The following CDH18 variants were observed in gnomAD, a reference collection of about 807,000 sequenced individuals.
CDH18 encodes cadherin 18.
Under a neutral mutation model 67.9 loss-of-function variants are expected in CDH18, and 31 were observed. The observed-to-expected ratio is 0.46, with a 90% CI of 0.34 to 0.62. CDH18 has a LOEUF of 0.62. CDH18 is among the 20% of genes least tolerant of loss of function. The probability of loss-of-function intolerance (pLI) is 0.01; values close to 1 mark genes in which losing one functional copy is unlikely to be tolerated. For synonymous variants in CDH18, 362 were observed against 347.2 expected, an observed-to-expected ratio of 1.04 and a Z score of -0.48; for missense variants, 890 against 975.5, an observed-to-expected ratio of 0.91 and a Z score of 1.17.
rs148258739 is a variant in CDH18 at position 19,510,344 on chromosome 5, T to G, written c.1513-7235A>C. Reference sequence around the variant, plus strand: ...GCAGAGCACATACACTGGTAATGATTTGTCTAAATGTGGATGCCACAAGCT... The same window carrying G: ...GCAGAGCACATACACTGGTAATGATGTGTCTAAATGTGGATGCCACAAGCT... On this transcript the variant is annotated intron_variant, in intron 10 of 12. Transcript: ENST00000382275. Among the ~76,000 whole-genome samples the G allele has an allele frequency of 9.2e-5, 14 of 152,220 alleles. 1 individual carries two copies. Among genetic ancestry groups the G allele is most frequent in the African/African-American group, 3.4e-4 (14 of 41,560 alleles).
intron 3 of CDH18, among the ~76,000 whole-genome samples, chr5:19,829,442 A>G (rs1215640039): frequency 6.6e-6 from 1 of 152,142 alleles, no homozygotes; most frequent in Admixed American, 6.6e-5. Context: ...AGCCAAAACA[A>G]TAATGCAATT....
intron 1 of CDH18, among the ~76,000 whole-genome samples, chr5:20,483,785 G>A (rs1280823372): frequency 6.6e-6 from 1 of 151,872 alleles, no homozygotes; most frequent in African/African-American, 2.4e-5. Flanking sequence ...CAATCAGAAT[G>A]GATTAAAAAC....
At chr5:20,307,617 C>A (rs1348217789) in intron 1 of CDH18, among the ~76,000 whole-genome samples, 4 of 152,090 alleles carry the variant, frequency 2.6e-5, no homozygotes, top group African/African-American at 9.7e-5. Flanking sequence ...CATTGCCTAC[C>A]ATCTGGAGGG....
At chr5:20,338,331 A>G (rs1252643913) in intron 1 of CDH18, among the ~76,000 whole-genome samples, 1 of 152,222 alleles carries the variant, frequency 6.6e-6, no homozygotes, top group Admixed American at 6.5e-5. Flanking sequence ...TCTGCCTGGA[A>G]AGAAAGTATT....
At chr5:20,287,104 T>G (rs1425632088) in intron 1 of CDH18, among the ~76,000 whole-genome samples, 2 of 151,812 alleles carry the variant, frequency 1.3e-5, no homozygotes, top group Non-Finnish European at 3.0e-5. Flanking sequence ...TTTTCGTGCA[T>G]GAACTGTTAT....
intron 1 of CDH18, among the ~76,000 whole-genome samples, chr5:20,313,478 G>A (rs1300630230): frequency 1.3e-5 from 2 of 151,898 alleles, no homozygotes; most frequent in Admixed American, 6.6e-5. Context: ...ATGTAAAACT[G>A]TATTAAAAAT....
intron 1 of CDH18, among the ~76,000 whole-genome samples, chr5:20,321,779 C>CAAAGAA (rs1335596164): frequency 6.6e-6 from 1 of 151,888 alleles, no homozygotes; most frequent in Non-Finnish European, 1.5e-5. Context: ...GAAAGCAAAG[C>CAAAGAA]AAAGAAAAAA....
intron 5 of CDH18, among the ~76,000 whole-genome samples, chr5:19,629,090 G>A (rs1752026483): frequency 6.6e-6 from 1 of 152,188 alleles, no homozygotes; most frequent in Admixed American, 6.5e-5. Flanking sequence ...GTGGCAGTCT[G>A]CCCTAAATTT....
intron 1 of CDH18, among the ~76,000 whole-genome samples, chr5:20,320,657 T>C (rs1737926993): frequency 6.6e-6 from 1 of 152,078 alleles, no homozygotes; most frequent in African/African-American, 2.4e-5. Flanking sequence ...TTCTCCAGAG[T>C]CCTCCTTCTG....
chr5:20,090,824 GTTC>G (rs1745354579), intron 2 of CDH18, among the ~76,000 whole-genome samples: 1 of 151,938 alleles, frequency 6.6e-6, no homozygotes, highest in African/African-American at 2.4e-5. Flanking sequence ...GAGCCCAGGT[GTTC>G]AAGACCATTC....
At chr5:19,977,339 A>G (rs1266893278) in intron 2 of CDH18, among the ~76,000 whole-genome samples, 1 of 152,124 alleles carries the variant, frequency 6.6e-6, no homozygotes, top group African/African-American at 2.4e-5. Flanking sequence ...AGCTGAAGTT[A>G]TTCCCCAAAG....
intron 9 of CDH18, among the ~76,000 whole-genome samples, chr5:19,522,877 AGAGT>A (rs1378029004): frequency 2.8e-5 from 4 of 142,948 alleles, no homozygotes; most frequent in Non-Finnish European, 6.0e-5. Context: ...CCTGAGTGAC[AGAGT>A]GAGACTCCTT....
At chr5:19,858,720 C>G (rs1784552749) in intron 2 of CDH18, among the ~76,000 whole-genome samples, 1 of 152,060 alleles carries the variant, frequency 6.6e-6, no homozygotes, top group Non-Finnish European at 1.5e-5. Context: ...TGTTCTTGCA[C>G]TAGAACTCAT....
intron 4 of CDH18, among the ~76,000 whole-genome samples, chr5:19,744,798 G>T (rs1478784880): frequency 6.6e-6 from 1 of 152,150 alleles, no homozygotes; most frequent in Non-Finnish European, 1.5e-5. Flanking sequence ...TAATAAATGT[G>T]AGGGTAACAT....
chr5:19,755,427 G>GTATATATATA (rs1373982305), intron 3 of CDH18, among the ~76,000 whole-genome samples: 10,930 of 44,146 alleles, frequency 0.25, 3,909 homozygotes, highest in Non-Finnish European at 0.34. Context: ...AACTAACAGG[G>GTATATATATA]TATGTATATA....
chr5:20,371,149 A>G (rs1742968251), intron 1 of CDH18, among the ~76,000 whole-genome samples: 1 of 152,156 alleles, frequency 6.6e-6, no homozygotes, highest in South Asian at 2.1e-4. Flanking sequence ...AAGAGGGAGG[A>G]AAATTTTTTG....
intron 1 of CDH18, among the ~76,000 whole-genome samples, chr5:20,363,467 G>C (rs1442977321): frequency 1.0e-5 from 1 of 96,410 alleles, no homozygotes; most frequent in Non-Finnish European, 1.9e-5. Context: ...CACAGAGCGA[G>C]ACTCCGTATC....
intron 2 of CDH18, among the ~76,000 whole-genome samples, chr5:20,067,308 T>C (rs925850141): frequency 4.0e-5 from 6 of 151,352 alleles, no homozygotes; most frequent in African/African-American, 1.2e-4. Context: ...ATGCTATATC[T>C]AACTAAATAT....
At chr5:20,226,492 G>GT (rs1741639848) in intron 2 of CDH18, among the ~76,000 whole-genome samples, 1 of 151,988 alleles carries the variant, frequency 6.6e-6, no homozygotes, top group Non-Finnish European at 1.5e-5. Flanking sequence ...AGAAGGTTTA[G>GT]TTTTTTTGAT....
Sources: gnomAD v4.1 joint callset for allele counts (sites outside exome capture counted in the v4.1 genomes callset) on GRCh38, gnomAD v4.1.1 for gene constraint, MANE v1.5 for transcripts, NCBI Gene and HGNC (gene_info 2026-07-23, HGNC 2026-07-21) for gene names.